HECTD4: variants seen among roughly 807,000 people sequenced by gnomAD.
The protein encoded by HECTD4 is HECT domain E3 ubiquitin protein ligase 4.
Under a neutral mutation model 471.5 loss-of-function variants are expected in HECTD4, and 114 were observed. The ratio of observed to expected loss-of-function variants is 0.24; its 90% CI spans 0.21 to 0.28. HECTD4 has a LOEUF of 0.28. HECTD4 is among the 10% of genes least tolerant of loss of function. The pLI is 1.00. For missense variants in HECTD4, 3,866 were observed against 5,651.5 expected, an observed-to-expected ratio of 0.68 and a Z score of 10.13; for synonymous variants, 2,012 against 2,256.0, an observed-to-expected ratio of 0.89 and a Z score of 3.07.
intron 1 of HECTD4, among the ~76,000 whole-genome samples, chr12:112,371,743 G>A (rs2036676223): frequency 6.6e-6 from 1 of 151,878 alleles, no homozygotes; most frequent in Admixed American, 6.6e-5. Context: ...AAAATGAGCT[G>A]GGCGTGGAGG....
At chr12:112,247,978 A>G (rs936497408) in intron 27 of HECTD4, 89 bp downstream of exon 27, 1 of 256,576 alleles carries the variant, frequency 3.9e-6, no homozygotes, top group East Asian at 4.1e-5. Context: ...TATTTTACCT[A>G]CACACACACA....
Position 112,335,533 on chromosome 12 carries a change from T to C in HECTD4, c.178-15791A>G, listed in dbSNP as rs552592761. On this transcript the variant is annotated intron_variant, in intron 1 of 75. Coordinates refer to ENST00000682272, the MANE Select transcript of HECTD4 (RefSeq NM_001388303.1). ...TGGTGAAACCCTGTCTCTAAAAATA[T>C]AAAAATTAGCTGGGCACAGTGGTGC... is the stretch of plus-strand genomic sequence containing the variant. Among the ~76,000 whole-genome samples the C allele has an allele frequency of 2.0e-4, 30 of 151,942 alleles. 1 individual carries two copies. The South Asian group carries it at 3.1e-3, about 16-fold the overall frequency.
At chr12:112,355,576 A>G (rs1182544434) in intron 1 of HECTD4, among the ~76,000 whole-genome samples, 2 of 152,014 alleles carry the variant, frequency 1.3e-5, no homozygotes, top group African/African-American at 4.8e-5. Flanking sequence ...CCTGACCAAC[A>G]TGGAGAAACC....
intron 68 of HECTD4, 40 bp downstream of exon 68, chr12:112,171,077 T>A: frequency 1.3e-6 from 2 of 1,551,906 alleles, no homozygotes; most frequent in African/African-American, 1.4e-5. Flanking sequence ...GCAGGTCACC[T>A]CTCTCTTCCT....
In HECTD4 at chr12:112,251,105, C is replaced by A. The variant is rs777172292; in HGVS notation, c.3582G>T (p.Leu1194Phe). The change falls in exon 24 of 76, where the codon TTG becomes TTT. Residue 1194 changes from leucine to phenylalanine, a missense_variant. This residue lies in a region of HECTD4 where 281 missense variants were observed against 499.9 expected (regional missense o/e 0.56). Transcript: ENST00000682272. The part of the protein sequence containing the change: ...QESSEDVSGG[L>F]PFLVDLALGL... ...CTAAAGCCAGGTCTACCAGAAAGGGCAAGCCTCCTGAGACATCCTCCGAAG... is the reference window on the plus strand; with the variant it reads ...CTAAAGCCAGGTCTACCAGAAAGGGAAAGCCTCCTGAGACATCCTCCGAAG... The A allele has an allele frequency of 2.5e-6, 4 of 1,613,862 alleles. No individual in the cohort carries two copies. The highest frequency in any genetic ancestry group is 3.4e-6 in the Non-Finnish European group (4 of 1,179,880).
At chr12:112,164,766 C>G (rs185247666) in intron 72 of HECTD4, among the ~76,000 whole-genome samples, 3 of 151,148 alleles carry the variant, frequency 2.0e-5, no homozygotes, top group African/African-American at 2.4e-5. Context: ...GGATTACAGG[C>G]GCCCACCACC....
Position 112,319,627 on chromosome 12 carries a change from C to T in HECTD4, c.293G>A (p.Arg98Gln), listed in dbSNP as rs941238073. The T allele has an allele frequency of 2.5e-5, 35 of 1,393,088 alleles. No homozygotes were observed. Among genetic ancestry groups the T allele is most frequent in the Admixed American group, 2.1e-4 (7 of 32,810 alleles). 86.3% of individuals were successfully genotyped at this position (1,393,088 alleles called of 1,614,324 possible). A position where few individuals can be genotyped will look rare whatever the true frequency, so the allele number is the denominator to read the frequency against. Residue 98 changes from arginine (R) to glutamine (Q), a missense_variant, in exon 2 of 76, where the codon CGA (arginine) becomes CAA (glutamine). By Grantham distance (43) the Arg-to-Gln change is conservative. Around this residue, in one of 16 missense-constraint regions of HECTD4, gnomAD observed 440 missense variants for 636.0 expected, o/e 0.69. Coordinates refer to ENST00000682272, the MANE Select transcript of HECTD4 (RefSeq NM_001388303.1). The surrounding 1 kb of genome is among the most constrained non-coding windows in gnomAD (Gnocchi z 5.3). ...CTGGCGCTGGGCATTCCACAGTCCT[C>T]GCAAGGCATTCAGGCGGTATTCCAG... The part of the protein sequence containing the change: ...RLLEYRLNAL[R>Q]GLWNAQRQLA...
chr12:112,267,794 A>G (rs894960870), intron 13 of HECTD4, among the ~76,000 whole-genome samples: 12 of 152,076 alleles, frequency 7.9e-5, no homozygotes, highest in African/African-American at 2.4e-4. Context: ...TCATTAATTT[A>G]TTTGTGTGTG....
At chr12:112,198,081 C>T (rs1360645916) in intron 55 of HECTD4, among the ~76,000 whole-genome samples, 2 of 152,200 alleles carry the variant, frequency 1.3e-5, no homozygotes, top group Non-Finnish European at 2.9e-5. Flanking sequence ...GTGAACCGCC[C>T]ACCTCGGCCT....
intron 66 of HECTD4, among the ~76,000 whole-genome samples, chr12:112,174,736 G>C (rs2031371418): frequency 6.6e-6 from 1 of 151,820 alleles, no homozygotes; most frequent in African/African-American, 2.4e-5. Flanking sequence ...GCTAATTTTT[G>C]TATTTTTAGT....
At chr12:112,195,664 T>C (rs1047703359) in intron 55 of HECTD4, among the ~76,000 whole-genome samples, 17 of 152,234 alleles carry the variant, frequency 1.1e-4, no homozygotes, top group African/African-American at 4.1e-4. Flanking sequence ...GAAAATGTTC[T>C]AAAATTGATT....
intron 7 of HECTD4, among the ~76,000 whole-genome samples, chr12:112,289,402 G>C (rs574667655): frequency 1.3e-5 from 2 of 152,234 alleles, no homozygotes; most frequent in South Asian, 4.1e-4. Context: ...ATTTTGAGAG[G>C]TAAGCATGGC....
chr12:112,243,360 C>T lies in HECTD4; in HGVS notation c.4951G>A (p.Gly1651Arg), dbSNP rs1269822821. Residue 1651 changes from glycine to arginine, a missense_variant, in exon 32 of 76, where the codon GGA becomes AGA. Around this residue, in one of 16 missense-constraint regions of HECTD4, gnomAD observed 229 missense variants for 386.4 expected, o/e 0.59. Coordinates refer to ENST00000682272, the MANE Select transcript of HECTD4 (RefSeq NM_001388303.1). The surrounding 1 kb of genome is among the most constrained non-coding windows in gnomAD (Gnocchi z 6.6). ...VGPVTMVLQG[G>R]PRIEELTCGG... ...CTAACAGAAACAACTAACCTGGGTCCTCCCTGAAGGACCATCGTCACTGGA... is the reference window on the plus strand; with the variant it reads ...CTAACAGAAACAACTAACCTGGGTCTTCCCTGAAGGACCATCGTCACTGGA... 6.2e-7 allele frequency: 1 copy of T among 1,611,352 alleles called. No homozygotes were observed. Among genetic ancestry groups the T allele is most frequent in the Non-Finnish European group, 8.5e-7 (1 of 1,178,664 alleles).
At chr12:112,328,110 CTATTTATT>C (rs58061315) in intron 1 of HECTD4, among the ~76,000 whole-genome samples, 11,512 of 145,714 alleles carry the variant, frequency 0.079, 631 homozygotes, top group South Asian at 0.28. Context: ...CAATGTAAAA[CTATTTATT>C]TATTTATTTA....
At chr12:112,170,730 A>C in intron 68 of HECTD4, 1 of 491,540 alleles carries the variant, frequency 2.0e-6, no homozygotes, top group Non-Finnish European at 3.6e-6. Flanking sequence ...AAAAAAGACA[A>C]AAAGCTGTGT....
intron 23 of HECTD4, among the ~76,000 whole-genome samples, chr12:112,251,907 G>A (rs1184047635): frequency 6.6e-6 from 1 of 152,090 alleles, no homozygotes; most frequent in African/African-American, 2.4e-5. Context: ...GAATAGCTAG[G>A]ACTACAGGTG....
At chr12:112,201,478 A>G (rs1191464256) in intron 54 of HECTD4, 1 of 155,532 alleles carries the variant, frequency 6.4e-6, no homozygotes, top group Non-Finnish European at 1.4e-5. Context: ...TTACTGAAAA[A>G]AAAAAATTTC....
At position 112,229,588 on chromosome 12, in the gene HECTD4, T is replaced by A. The variant is rs569375336; in HGVS notation, c.6519+110A>T. The A allele has an allele frequency of 1.1e-5, 12 of 1,135,710 alleles. No homozygotes were observed. The Admixed American group carries it at 1.4e-4, about 13-fold the overall frequency. 70.4% of individuals were successfully genotyped at this position (1,135,710 alleles called of 1,614,324 possible). On this transcript the variant is annotated intron_variant, in intron 41 of 75. Transcript: ENST00000682272. ...TCCTTATTTAGCTTGAAGAAACAGG[T>A]TTTTTTGTACAGCTGGTTGGATAAT...
At position 112,189,546 on chromosome 12, in the gene HECTD4, G is replaced by A. The variant is rs144504271; in HGVS notation, c.9472+1240C>T. ...AGACTGGGCGACAGAGCGAGACTCC[G>A]TCTCAAAAAAAAAAAAAAAAAAAAA... On this transcript the variant is annotated intron_variant, in intron 60 of 75. Transcript: ENST00000682272. 0.011 allele frequency among the ~76,000 whole-genome samples: 830 copies of A among 76,832 alleles called. 94 individuals are homozygous for A. In the East Asian group the frequency reaches 0.41, roughly 38 times the overall value. The allele number at this position is 76,832 out of a possible 152,430, so 50.4% of individuals were successfully genotyped here.
Sources: gnomAD v4.1 joint callset for allele counts (sites outside exome capture counted in the v4.1 genomes callset) on GRCh38, gnomAD v4.1.1 for gene constraint, gnomAD v4.1.1 regional missense constraint, Gnocchi (gnomAD v3.1) non-coding constraint, MANE v1.5 for transcripts, NCBI Gene and HGNC (gene_info 2026-07-23, HGNC 2026-07-21) for gene names.